Variants in DOK6 observed in about 807,000 individuals in gnomAD.
DOK6 encodes downstream of tyrosine kinase 6.
DOK6 carries 22 observed loss-of-function variants against 44.0 expected under a neutral mutation model. The observed-to-expected ratio is 0.50, with a 90% CI of 0.36 to 0.71. The LOEUF (loss-of-function observed/expected upper bound fraction) is 0.71. Among genes scored for constraint, DOK6 ranks in the 30% least tolerant of loss-of-function variants. The pLI is 0.00. For missense variants in DOK6, 340 were observed against 416.4 expected (o/e 0.82, Z 1.60); for synonymous variants, 166 against 145.5 (o/e 1.14, Z -1.01).
chr18:69,724,988 A>G (rs375719388), intron 5 of DOK6: 7 of 152,184 alleles, frequency 4.6e-5, no homozygotes, highest in African/African-American at 1.4e-4. Context: ...ATCTGAAATT[A>G]CCCTTTCCAG....
intron 2 of DOK6, among the ~76,000 whole-genome samples, chr18:69,570,046 G>T (rs1296471588): frequency 6.6e-6 from 1 of 152,012 alleles, no homozygotes; most frequent in East Asian, 1.9e-4. Context: ...ACTTGAGGGA[G>T]GAGGGTGGAT....
chr18:69,524,625 G>A (rs1443054413), intron 1 of DOK6, among the ~76,000 whole-genome samples: 3 of 151,788 alleles, frequency 2.0e-5, no homozygotes, highest in Admixed American at 6.6e-5. Flanking sequence ...AGACCATTCC[G>A]AACATTAGTT....
chr18:69,506,210 G>A (rs1981182245), intron 1 of DOK6, among the ~76,000 whole-genome samples: 1 of 152,048 alleles, frequency 6.6e-6, no homozygotes, highest in Admixed American at 6.5e-5. Flanking sequence ...AGTATATAAA[G>A]TAGCACCATC....
chr18:69,628,705 C>T (rs114661663), intron 3 of DOK6, among the ~76,000 whole-genome samples: 1 of 151,996 alleles, frequency 6.6e-6, no homozygotes, highest in African/African-American at 2.4e-5. Flanking sequence ...TTATGAATAC[C>T]TTTGTAAACA....
At chr18:69,797,051 G>A (rs1312283275) in intron 7 of DOK6, among the ~76,000 whole-genome samples, 2 of 151,988 alleles carry the variant, frequency 1.3e-5, no homozygotes, top group Non-Finnish European at 1.5e-5. Flanking sequence ...GAAGTTAATC[G>A]ATTATTTCCA....
At chr18:69,461,142 T>C (rs1326122706) in intron 1 of DOK6, among the ~76,000 whole-genome samples, 1 of 152,220 alleles carries the variant, frequency 6.6e-6, no homozygotes, top group Non-Finnish European at 1.5e-5. Context: ...CATTCTTTTT[T>C]GGTTCTGATG....
At chr18:69,468,191 A>G (rs1212713613) in intron 1 of DOK6, among the ~76,000 whole-genome samples, 1 of 152,098 alleles carries the variant, frequency 6.6e-6, no homozygotes, top group Non-Finnish European at 1.5e-5. Flanking sequence ...TAATGGAATT[A>G]TTTTCTTTGT....
At chr18:69,828,884 G>GTATATATATATATATATATATATATA (rs74175393) in intron 7 of DOK6, among the ~76,000 whole-genome samples, 2,553 of 89,716 alleles carry the variant, frequency 0.028, 372 homozygotes, top group Non-Finnish European at 0.04. Context: ...ACATTTATGT[G>GTATATATATATATATATATATATATA]TATATATATA....
intron 1 of DOK6, among the ~76,000 whole-genome samples, chr18:69,487,966 C>A (rs772017306): frequency 2.6e-5 from 4 of 152,176 alleles, no homozygotes; most frequent in Non-Finnish European, 5.9e-5. Flanking sequence ...TCTTAGTCTT[C>A]TCAGAACCAT....
chr18:69,824,203 A>T (rs1323896332), intron 7 of DOK6, among the ~76,000 whole-genome samples: 2 of 22,170 alleles, frequency 9.0e-5, no homozygotes, highest in African/African-American at 1.6e-4. Flanking sequence ...CCCTCCCCCC[A>T]CCCCACAACA....
In DOK6 at chr18:69,670,675, A is replaced by G. The variant is rs1225460946; in HGVS notation, c.290-7059A>G. 4.6e-5 allele frequency among the ~76,000 whole-genome samples: 7 copies of G among 151,992 alleles called. No individual in the cohort carries two copies. In the East Asian group the frequency reaches 1.2e-3, roughly 25 times the overall value. ...CAGGCACAAGCCACCATGCCCAGCT[A>G]ATTTTTGTGTTTTTAGTAGAGACAG... On this transcript the variant is annotated intron_variant, in intron 3 of 7. Coordinates refer to ENST00000382713, the MANE Select transcript of DOK6 (RefSeq NM_152721.6).
intron 1 of DOK6, among the ~76,000 whole-genome samples, chr18:69,494,576 T>C (rs1980828824): frequency 6.6e-6 from 1 of 152,224 alleles, no homozygotes; most frequent in Non-Finnish European, 1.5e-5. Context: ...GGGCATTTTA[T>C]TTTCTGGAAT....
intron 6 of DOK6, among the ~76,000 whole-genome samples, chr18:69,744,836 G>A (rs903096817): frequency 6.7e-6 from 1 of 148,998 alleles, no homozygotes; most frequent in Non-Finnish European, 1.5e-5. Context: ...TGAGGCAGGA[G>A]ACTCACTTGA....
chr18:69,481,538 C>CA (rs1031547424), intron 1 of DOK6, among the ~76,000 whole-genome samples: 1 of 152,188 alleles, frequency 6.6e-6, no homozygotes, highest in African/African-American at 2.4e-5. Flanking sequence ...CGTGTCCCTA[C>CA]AAAGGACATG....
At chr18:69,654,986 A>G (rs1348192434) in intron 3 of DOK6, among the ~76,000 whole-genome samples, 1 of 152,174 alleles carries the variant, frequency 6.6e-6, no homozygotes, top group Non-Finnish European at 1.5e-5. Context: ...CAAGTCTGGG[A>G]GGTTGAGGCT....
intron 2 of DOK6, among the ~76,000 whole-genome samples, chr18:69,578,365 ATGAT>A (rs1983286671): frequency 6.6e-6 from 1 of 152,222 alleles, no homozygotes; most frequent in Non-Finnish European, 1.5e-5. Context: ...AAAATGTAAA[ATGAT>A]TGTTGTGTAA....
intron 2 of DOK6, among the ~76,000 whole-genome samples, chr18:69,565,378 C>T (rs1982944354): frequency 6.6e-6 from 1 of 151,482 alleles, no homozygotes; most frequent in African/African-American, 2.4e-5. Context: ...GATTATTTGA[C>T]AATAACTAGT....
chr18:69,670,974 C>A (rs2144680080), intron 3 of DOK6, among the ~76,000 whole-genome samples: 1 of 152,170 alleles, frequency 6.6e-6, no homozygotes, highest in East Asian at 1.9e-4. Context: ...TGCCTCCCTC[C>A]CCCAACACAC....
rs1258951417 is a variant in DOK6, at chr18:69,564,553, T to C, written c.133T>C (p.Phe45Leu). The change falls in exon 2 of 8, where the codon TTT becomes CTT. Residue 45 changes from phenylalanine to leucine, a missense_variant. Phe to Leu is a conservative substitution (Grantham distance 22). Transcript: ENST00000382713. ...SSKGPRRLEKFPDEKAAYFRN... is the reference protein window; with the variant it reads ...SSKGPRRLEKLPDEKAAYFRN... ...CAAAGGACCCAGAAGGTTAGAAAAA[T>C]TTCCAGATGAAAAGGCAGCTTATTT... 6.2e-7 allele frequency: 1 copy of C among 1,613,630 alleles called. No individual in the cohort carries two copies. The highest frequency in any genetic ancestry group is 8.5e-7 in the Non-Finnish European group (1 of 1,179,882).
Sources: allele counts gnomAD v4.1 joint callset (sites outside exome capture counted in the v4.1 genomes callset), GRCh38; gene constraint gnomAD v4.1.1; transcripts MANE v1.5; gene names NCBI Gene and HGNC (gene_info 2026-07-23, HGNC 2026-07-21).